The following NETO1 variants were observed in gnomAD, a reference collection of about 807,000 sequenced individuals.
NETO1 encodes neuropilin and tolloid like 1.
Under a neutral mutation model 61.3 loss-of-function variants are expected in NETO1, and 26 were observed. The ratio of observed to expected loss-of-function variants is 0.42; its 90% confidence interval spans 0.31 to 0.59. NETO1 has a LOEUF of 0.59. Ranked by LOEUF, NETO1 falls within the 20% of genes least tolerant of loss-of-function variation. NETO1 has a pLI of 0.12. For synonymous variants in NETO1, 225 were observed against 225.8 expected (o/e 1.00, Z 0.03); for missense variants, 531 against 662.8 (o/e 0.80, Z 2.18).
At chr18:72,780,009 C>T (rs957848823) in intron 7 of NETO1, among the ~76,000 whole-genome samples, 2 of 152,108 alleles carry the variant, frequency 1.3e-5, no homozygotes, top group East Asian at 1.9e-4. Flanking sequence ...AGGACCAACA[C>T]CTATGATGAG....
At chr18:72,749,945 G>C in intron 9 of NETO1, 117 bp downstream of exon 9, 2 of 782,658 alleles carry the variant, frequency 2.6e-6, no homozygotes, top group Non-Finnish European at 4.0e-6. Context: ...GGAAAACTAG[G>C]GTTTAAATCA....
chr18:72,833,606 G>C (rs1372711252), intron 4 of NETO1, among the ~76,000 whole-genome samples: 1 of 151,952 alleles, frequency 6.6e-6, no homozygotes, highest in East Asian at 1.9e-4. Flanking sequence ...TGACTCTCAC[G>C]ACATCCCCGA....
intron 4 of NETO1, 39 bp downstream of exon 4, chr18:72,858,787 A>G: frequency 1.3e-6 from 2 of 1,542,548 alleles, no homozygotes; most frequent in Non-Finnish European, 1.7e-6. Flanking sequence ...TAGAAAAATG[A>G]GGAAGAAAAA....
intron 4 of NETO1, among the ~76,000 whole-genome samples, chr18:72,828,480 AAC>A (rs1229987921): frequency 4.6e-5 from 7 of 152,364 alleles, no homozygotes; most frequent in Non-Finnish European, 1.0e-4. Flanking sequence ...GCAAAAATGT[AAC>A]ACAGTAAGAA....
intron 4 of NETO1, among the ~76,000 whole-genome samples, chr18:72,845,605 A>C (rs1344330660): frequency 2.0e-5 from 3 of 152,262 alleles, no homozygotes; most frequent in Non-Finnish European, 4.4e-5. Context: ...TTTAATGGCA[A>C]AACTCAAACA....
At chr18:72,858,379 A>G (rs1333922228) in intron 4 of NETO1, among the ~76,000 whole-genome samples, 1 of 152,172 alleles carries the variant, frequency 6.6e-6, no homozygotes, top group Non-Finnish European at 1.5e-5. Flanking sequence ...CTACTTCCTA[A>G]AGTAGGATCT....
chr18:72,790,135 T>C (rs1407948000), intron 6 of NETO1, among the ~76,000 whole-genome samples: 6 of 152,168 alleles, frequency 3.9e-5, no homozygotes, highest in Non-Finnish European at 7.4e-5. Context: ...GCTAGAGTTT[T>C]ATTATCCAAA....
At position 72,756,164 on chromosome 18, in the gene NETO1, C is replaced by G. The variant is rs1568173453; in HGVS notation, c.869-17G>C. 4 of 1,312,000 alleles carry G rather than the reference C, an allele frequency of 3.0e-6. No individual in the cohort carries two copies. In the Admixed American group the frequency reaches 5.1e-5, roughly 17 times the overall value. The allele number at this position is 1,312,000 out of a possible 1,614,324, so 81.3% of individuals were successfully genotyped here. Reference sequence around the variant, plus strand: ...CACAAGGAGCTAAAAAGAAGAAGAACAAGACAAAGGAGGAAAGTTATAACT... The same window carrying G: ...CACAAGGAGCTAAAAAGAAGAAGAAGAAGACAAAGGAGGAAAGTTATAACT... On this transcript the variant is annotated splice_polypyrimidine_tract_variant and intron_variant, in intron 7 of 10. Transcript: ENST00000327305.
At chr18:72,755,018 A>G (rs766065533) in intron 8 of NETO1, among the ~76,000 whole-genome samples, 3 of 152,222 alleles carry the variant, frequency 2.0e-5, no homozygotes, top group Non-Finnish European at 2.9e-5. Flanking sequence ...TAAAGGCTAA[A>G]GGAATCATTT....
At chr18:72,823,643 A>C (rs1252952904) in intron 4 of NETO1, among the ~76,000 whole-genome samples, 3 of 151,696 alleles carry the variant, frequency 2.0e-5, no homozygotes, top group Admixed American at 6.6e-5. Context: ...AATTCCCCTG[A>C]CTCCCTGATT....
rs1016005854 is a variant in NETO1, at chr18:72,750,592, C to G, written c.1011G>C (p.Gln337His). 2 of 1,608,830 alleles carry G rather than the reference C, an allele frequency of 1.2e-6. No individual in the cohort carries two copies. The highest frequency in any genetic ancestry group is 1.7e-4 in the Middle Eastern group (1 of 6,056). ...KEKRKTSLLDQLTNTSGTVIG... is the reference protein window; with the variant it reads ...KEKRKTSLLDHLTNTSGTVIG... ...TGACAGTCCCACTGGTGTTGGTCAG[C>G]TGGTCCAGCAGGCTGGTTTTCCTCT... The change falls in exon 9 of 11, where the codon CAG (glutamine) becomes CAC (histidine). Residue 337 changes from glutamine (Q) to histidine (H), a missense_variant. By Grantham distance (24) the Gln-to-His change is conservative. Coordinates refer to ENST00000327305, the MANE Select transcript of NETO1 (RefSeq NM_138966.5).
At chr18:72,789,456 C>T (rs2072040863) in intron 6 of NETO1, among the ~76,000 whole-genome samples, 1 of 152,074 alleles carries the variant, frequency 6.6e-6, no homozygotes, top group Non-Finnish European at 1.5e-5. Flanking sequence ...TTTATTCTTA[C>T]TTTTTGGAGA....
chr18:72,852,016 C>G (rs1171264793), intron 4 of NETO1, among the ~76,000 whole-genome samples: 2 of 152,130 alleles, frequency 1.3e-5, no homozygotes, highest in African/African-American at 4.8e-5. Flanking sequence ...AAGGTCTTTT[C>G]TAATCTAAGG....
At chr18:72,865,089 A>G in intron 2 of NETO1, 99 bp downstream of exon 2, 1 of 1,407,698 alleles carries the variant, frequency 7.1e-7, no homozygotes, top group Non-Finnish European at 9.8e-7. Flanking sequence ...TACATATTAT[A>G]ACAGGTTCAG....
At chr18:72,789,210 GCACA>G (rs71166426) in intron 6 of NETO1, among the ~76,000 whole-genome samples, 2,124 of 141,528 alleles carry the variant, frequency 0.015, 31 homozygotes, top group African/African-American at 0.035. Context: ...TAACACACAA[GCACA>G]CACACACACA....
At chr18:72,769,948 T>C in intron 7 of NETO1, among the ~76,000 whole-genome samples, 1 of 152,098 alleles carries the variant, frequency 6.6e-6, no homozygotes, top group East Asian at 1.9e-4. Context: ...AGAGGTGATA[T>C]TCTATCTTTG....
chr18:72,798,826 C>G (rs988681787), intron 4 of NETO1, among the ~76,000 whole-genome samples: 7 of 152,208 alleles, frequency 4.6e-5, no homozygotes, highest in African/African-American at 1.2e-4. Context: ...AAGAGTCCTA[C>G]TTAAATTACA....
chr18:72,836,336 C>T (rs934401962), intron 4 of NETO1, among the ~76,000 whole-genome samples: 1 of 152,024 alleles, frequency 6.6e-6, no homozygotes, highest in Admixed American at 6.6e-5. Flanking sequence ...ATACTTATCT[C>T]ATAAGTTAGT....
rs1157705136 is a variant in NETO1 at position 72,779,271 on chromosome 18, T to C, written c.868+4407A>G. Among the ~76,000 whole-genome samples the C allele has an allele frequency of 5.3e-5, 8 of 151,224 alleles. No individual in the cohort carries two copies. The East Asian group carries it at 1.6e-3, about 29-fold the overall frequency. On this transcript the variant is annotated intron_variant, in intron 7 of 10. Transcript: ENST00000327305. ...TGTGTATAATTATATATTAGACATA[T>C]AGTTACATATTAAATGTATAATTAT...
Sources: allele counts gnomAD v4.1 joint callset (sites outside exome capture counted in the v4.1 genomes callset), GRCh38; gene constraint gnomAD v4.1.1; transcripts MANE v1.5; gene names NCBI Gene and HGNC (gene_info 2026-07-23, HGNC 2026-07-21).